Variants in TSG101 observed in about 807,000 individuals in gnomAD.
TSG101 encodes the protein tumor susceptibility gene 101 protein.
A neutral mutation model predicts 48.5 loss-of-function variants in TSG101; 19 were observed. The ratio of observed to expected loss-of-function variants is 0.39; its 90% confidence interval spans 0.27 to 0.58. TSG101 has a LOEUF of 0.58. TSG101 is among the 20% of genes least tolerant of loss of function. TSG101 has a pLI of 0.55. For missense variants in TSG101, 365 were observed against 484.4 expected, an observed-to-expected ratio of 0.75 and a Z score of 2.31; for synonymous variants, 174 against 169.4, an observed-to-expected ratio of 1.03 and a Z score of -0.21.
At chr11:18,487,547 A>T (rs971975918) in intron 7 of TSG101, among the ~76,000 whole-genome samples, 1 of 152,182 alleles carries the variant, frequency 6.6e-6, no homozygotes, top group Admixed American at 6.5e-5. Flanking sequence ...TTTTTTTTCT[A>T]GTAGAGAGGT....
chr11:18,484,302 T>G (rs970378895), intron 7 of TSG101, among the ~76,000 whole-genome samples: 14 of 152,210 alleles, frequency 9.2e-5, no homozygotes, highest in Non-Finnish European at 1.6e-4. Context: ...AGTTTCCCTA[T>G]TCATAGCCCA....
chr11:18,514,886 T>G (rs1329188013), intron 3 of TSG101, 45 bp from the exon 4 acceptor site: 1 of 1,487,894 alleles, frequency 6.7e-7, no homozygotes, highest in Admixed American at 2.7e-5. Flanking sequence ...TTTATTATTT[T>G]TAAATTGAAG....
At chr11:18,487,497 A>C (rs1226803500) in intron 7 of TSG101, among the ~76,000 whole-genome samples, 1 of 152,168 alleles carries the variant, frequency 6.6e-6, no homozygotes, top group East Asian at 1.9e-4. Context: ...CCTTAACACA[A>C]GGAAGAAAAA....
chr11:18,505,526 G>A (rs920851375), intron 6 of TSG101, among the ~76,000 whole-genome samples: 1 of 151,484 alleles, frequency 6.6e-6, no homozygotes, highest in African/African-American at 2.4e-5. Flanking sequence ...GTGCTGGGTG[G>A]GATTTTAAGT....
intron 8 of TSG101, among the ~76,000 whole-genome samples, chr11:18,482,534 G>A (rs894160373): frequency 1.3e-5 from 2 of 152,070 alleles, no homozygotes; most frequent in African/African-American, 4.8e-5. Context: ...TCCCTCATGG[G>A]GATGAAAATG....
chr11:18,483,752 A>C, intron 8 of TSG101, 118 bp downstream of exon 8: 1 of 1,032,320 alleles, frequency 9.7e-7, no homozygotes, highest in Non-Finnish European at 1.4e-6. Flanking sequence ...CAAATGTTTA[A>C]AGATGCCTAT....
intron 9 of TSG101, 42 bp from the exon 10 acceptor site, chr11:18,480,677 A>G: frequency 6.4e-7 from 1 of 1,573,988 alleles, no homozygotes; most frequent in Non-Finnish European, 8.7e-7. Flanking sequence ...AATGGCTTTG[A>G]TTTAGGCCCA....
rs761650823 is a variant in TSG101, at chr11:18,480,611, GTT to G, written c.1106_1107del (p.Lys369ThrfsTer19). 1 of 1,613,914 alleles carries G rather than the reference GTT, an allele frequency of 6.2e-7. No homozygotes were observed. Among genetic ancestry groups the G allele is most frequent in the Admixed American group, 1.7e-5 (1 of 59,996 alleles). On this transcript the variant is annotated frameshift_variant, in exon 10 of 10. Coordinates refer to ENST00000251968, the MANE Select transcript of TSG101 (RefSeq NM_006292.4). LOFTEE classifies it high-confidence loss of function. ...FLKHVRLLSRKQFQLRALMQK... is the reference protein window; with the variant it reads ...FLKHVRLLSRXQFQLRALMQK... ...TGCATTAGTGCCCTCAGCTGGAACT[GTT>G]TACGGGACAGAAGACGTACATGCTG...
intron 4 of TSG101, among the ~76,000 whole-genome samples, chr11:18,510,437 A>C (rs1274643706): frequency 6.6e-6 from 1 of 152,164 alleles, no homozygotes; most frequent in African/African-American, 2.4e-5. Flanking sequence ...AACAAACAAA[A>C]AAATTATACG....
chr11:18,484,124 T>C, intron 7 of TSG101, 52 bp from the exon 8 acceptor site: 2 of 1,592,230 alleles, frequency 1.3e-6, no homozygotes, highest in Non-Finnish European at 1.7e-6. Flanking sequence ...GTTCCTTCTA[T>C]TTGTCTCACA....
At chr11:18,493,949 T>C (rs945586315) in intron 7 of TSG101, among the ~76,000 whole-genome samples, 1 of 152,330 alleles carries the variant, frequency 6.6e-6, no homozygotes, top group Admixed American at 6.5e-5. Context: ...GGCCTCAATT[T>C]ATCTTTTAAA....
chr11:18,482,485 A>C (rs1849555836), intron 8 of TSG101, among the ~76,000 whole-genome samples: 2 of 152,216 alleles, frequency 1.3e-5, no homozygotes, highest in Admixed American at 1.3e-4. Flanking sequence ...AGAATTCTTT[A>C]CTATTCCATC....
chr11:18,495,083 T>C (rs1849753377), intron 7 of TSG101, among the ~76,000 whole-genome samples: 1 of 152,222 alleles, frequency 6.6e-6, no homozygotes, highest in Non-Finnish European at 1.5e-5. Flanking sequence ...AACTGGTCCC[T>C]GAATCTCTGT....
chr11:18,523,425 CTT>C (rs1346551112), intron 1 of TSG101, among the ~76,000 whole-genome samples: 2 of 152,178 alleles, frequency 1.3e-5, no homozygotes, highest in Non-Finnish European at 2.9e-5. Flanking sequence ...AGCACAGTTT[CTT>C]TGTCTGATTG....
At chr11:18,482,548 C>A (rs554055324) in intron 8 of TSG101, among the ~76,000 whole-genome samples, 1 of 152,286 alleles carries the variant, frequency 6.6e-6, no homozygotes, top group African/African-American at 2.4e-5. Flanking sequence ...GAAAATGGAG[C>A]GTGAAATTGG....
At chr11:18,490,334 A>T in intron 7 of TSG101, 2 of 600,146 alleles carry the variant, frequency 3.3e-6, no homozygotes, top group Admixed American at 3.8e-5. Context: ...TGCTGTCTTT[A>T]TAAGACTCTT....
chr11:18,522,964 A>G (rs913887681), intron 1 of TSG101, among the ~76,000 whole-genome samples: 1 of 152,158 alleles, frequency 6.6e-6, no homozygotes, highest in Admixed American at 6.5e-5. Context: ...ATCACAGCTC[A>G]CTGCAACCTC....
intron 7 of TSG101, among the ~76,000 whole-genome samples, chr11:18,491,256 G>A (rs1187310210): frequency 1.3e-5 from 2 of 152,054 alleles, no homozygotes; most frequent in Admixed American, 6.6e-5. Context: ...TAATTAGAGT[G>A]TTCTTTATCT....
At chr11:18,484,935 C>CTTTTTTTTT (rs529154247) in intron 7 of TSG101, among the ~76,000 whole-genome samples, 2 of 108,032 alleles carry the variant, frequency 1.9e-5, no homozygotes, top group African/African-American at 3.7e-5. Context: ...TAATTGCCGC[C>CTTTTTTTTT]TTTTTTTTTT....
Sources: gnomAD v4.1 joint callset for allele counts (sites outside exome capture counted in the v4.1 genomes callset) on GRCh38, gnomAD v4.1.1 for gene constraint, MANE v1.5 for transcripts, NCBI Gene and HGNC (gene_info 2026-07-23, HGNC 2026-07-21) for gene names.